The following C4BPA variants were observed in gnomAD, a reference collection of about 807,000 sequenced individuals.
C4BPA encodes C4b-binding protein alpha chain.
A neutral mutation model predicts 63.7 loss-of-function variants in C4BPA; 31 were observed. The ratio of observed to expected loss-of-function variants is 0.49; its 90% confidence interval spans 0.37 to 0.66. The LOEUF is 0.66. C4BPA is among the 30% of genes least tolerant of loss of function. The pLI, the probability that C4BPA is intolerant of heterozygous loss-of-function variation, is 0.00. For synonymous variants in C4BPA, 259 were observed against 254.7 expected (o/e 1.02, Z -0.16); for missense variants, 572 against 723.3 (o/e 0.79, Z 2.40).
chr1:207,144,486 C>T (rs911874118), intron 11 of C4BPA, 58 bp from the exon 12 acceptor site: 2 of 1,457,064 alleles, frequency 1.4e-6, no homozygotes, highest in African/African-American at 2.9e-5. Context: ...CAGGATCCAC[C>T]CTCCTTTATG....
At chr1:207,118,313 C>G (rs1242925604) in intron 4 of C4BPA, among the ~76,000 whole-genome samples, 1 of 151,882 alleles carries the variant, frequency 6.6e-6, no homozygotes, top group Admixed American at 6.6e-5. Flanking sequence ...ATTTATTATG[C>G]ATTAGTTCAT....
In C4BPA at chr1:207,126,744, T is replaced by C; in HGVS notation, c.738T>C (p.His246=). ...CCTGTCGCAAGCCAGATGTTTCACA[T>C]GGGGAAATGGTCTCTGGATTTGGAC... The part of the protein sequence containing the change: ...KITCRKPDVS[H]GEMVSGFGPI... The change falls in exon 7 of 12, where the codon CAT becomes CAC. Residue 246 remains histidine (H), a synonymous_variant. Coordinates refer to ENST00000367070, the MANE Select transcript of C4BPA (RefSeq NM_000715.4). 2 of 1,609,646 alleles carry C rather than the reference T, an allele frequency of 1.2e-6. No individual in the cohort carries two copies. Among genetic ancestry groups the C allele is most frequent in the Non-Finnish European group, 1.7e-6 (2 of 1,177,680 alleles).
At chr1:207,123,760 G>C (rs1370437181) in intron 4 of C4BPA, among the ~76,000 whole-genome samples, 162 bp from the exon 5 acceptor site, 1 of 152,224 alleles carries the variant, frequency 6.6e-6, no homozygotes, top group African/African-American at 2.4e-5. Flanking sequence ...TCTCATTGCA[G>C]TAATGAAATT....
At chr1:207,118,005 T>C (rs1684838728) in intron 4 of C4BPA, among the ~76,000 whole-genome samples, 1 of 152,206 alleles carries the variant, frequency 6.6e-6, no homozygotes, top group African/African-American at 2.4e-5. Context: ...TTTCCTCACA[T>C]AGATTTTGCA....
chr1:207,142,566 C>T (rs1025362447), intron 10 of C4BPA, among the ~76,000 whole-genome samples: 6 of 152,120 alleles, frequency 3.9e-5, no homozygotes, highest in African/African-American at 1.4e-4. Context: ...TTTTCCACAA[C>T]CTCTCCAGCA....
chr1:207,138,705 C>G (rs1476867693), intron 9 of C4BPA, among the ~76,000 whole-genome samples: 2 of 152,168 alleles, frequency 1.3e-5, no homozygotes, highest in Admixed American at 6.5e-5. Context: ...ATTTGTCCCC[C>G]CTAGCCTATG....
chr1:207,121,404 C>T (rs954116778), intron 4 of C4BPA, among the ~76,000 whole-genome samples: 1 of 151,858 alleles, frequency 6.6e-6, no homozygotes, highest in Non-Finnish European at 1.5e-5. Context: ...AATCTTGGTT[C>T]TGATGTCCAA....
chr1:207,129,897 T>A (rs761605540), intron 7 of C4BPA, among the ~76,000 whole-genome samples: 2 of 152,196 alleles, frequency 1.3e-5, no homozygotes, highest in African/African-American at 2.4e-5. Flanking sequence ...TCTTTATTTC[T>A]TCCTGTAGAT....
chr1:207,112,359 T>TG (rs1335452022), intron 1 of C4BPA, among the ~76,000 whole-genome samples: 124 of 151,514 alleles, frequency 8.2e-4, no homozygotes, highest in African/African-American at 2.8e-3. Context: ...TGTTTTTTTT[T>TG]TTTTTTTTTA....
chr1:207,135,758 C>G (rs1366817096), intron 9 of C4BPA, among the ~76,000 whole-genome samples: 4 of 152,164 alleles, frequency 2.6e-5, no homozygotes, highest in Admixed American at 6.5e-5. Context: ...GCATTGCCTC[C>G]CAGCTGGCAC....
chr1:207,116,228 A>G (rs1684783072), intron 4 of C4BPA, among the ~76,000 whole-genome samples: 1 of 152,190 alleles, frequency 6.6e-6, no homozygotes, highest in Admixed American at 6.5e-5. Flanking sequence ...TTCCCAATGT[A>G]AGAGGTGAAA....
At chr1:207,143,493 A>G (rs942991971) in intron 10 of C4BPA, among the ~76,000 whole-genome samples, 10 of 151,864 alleles carry the variant, frequency 6.6e-5, no homozygotes, top group South Asian at 4.1e-4. Context: ...ATAAAAAAAG[A>G]AATATGTTGT....
At chr1:207,116,550 G>A (rs56141354) in intron 4 of C4BPA, among the ~76,000 whole-genome samples, 88,201 of 147,908 alleles carry the variant, frequency 0.6, 27,240 homozygotes, top group East Asian at 0.73. Flanking sequence ...GTGTGTGTGT[G>A]TGTGTGTGTA....
intron 4 of C4BPA, among the ~76,000 whole-genome samples, chr1:207,115,978 C>T (rs1488429367): frequency 6.6e-6 from 1 of 152,192 alleles, no homozygotes; most frequent in East Asian, 1.9e-4. Flanking sequence ...CTGAACAATG[C>T]TCTGAAGTAT....
intron 4 of C4BPA, among the ~76,000 whole-genome samples, chr1:207,116,212 G>A (rs754959220): frequency 2.6e-4 from 39 of 152,070 alleles, no homozygotes; most frequent in South Asian, 4.1e-4. Context: ...TCAAATTTTT[G>A]AATTTTTCCC....
intron 4 of C4BPA, among the ~76,000 whole-genome samples, chr1:207,116,368 T>TC (rs990750517): frequency 2.6e-5 from 4 of 151,578 alleles, no homozygotes; most frequent in Non-Finnish European, 5.9e-5. Context: ...TGGTTGTTGT[T>TC]TTTTTTCCTT....
Position 207,123,993 on chromosome 1 carries a change from TC to T in C4BPA, c.503del (p.Pro168HisfsTer57). 1 of 1,609,212 alleles carries T rather than the reference TC, an allele frequency of 6.2e-7. No individual in the cohort carries two copies. Among genetic ancestry groups the T allele is most frequent in the Non-Finnish European group, 8.5e-7 (1 of 1,176,434 alleles). Reference sequence around the variant, plus strand: ...AGAGGAGTTGGCTGGAGTCATCCTCTCCCACAATGTGAAAGTAAGTAAAGAC... The same window carrying T: ...AGAGGAGTTGGCTGGAGTCATCCTCTCCACAATGTGAAAGTAAGTAAAGAC... ...QDRGVGWSHP[L>X]PQCEIVKCKP... On this transcript the variant is annotated frameshift_variant, in exon 5 of 12. Transcript: ENST00000367070. LOFTEE classifies it high-confidence loss of function.
intron 1 of C4BPA, among the ~76,000 whole-genome samples, chr1:207,111,348 C>T (rs551042181): frequency 6.6e-6 from 1 of 152,332 alleles, no homozygotes; most frequent in African/African-American, 2.4e-5. Flanking sequence ...CAGTAAGTGA[C>T]TACAACTGGT....
chr1:207,108,969 C>G (rs1433778165), intron 1 of C4BPA, among the ~76,000 whole-genome samples: 1 of 152,142 alleles, frequency 6.6e-6, no homozygotes, highest in Non-Finnish European at 1.5e-5. Flanking sequence ...GATCTGCCCG[C>G]CTCAGCCTCC....
Sources: gnomAD v4.1 joint callset for allele counts (sites outside exome capture counted in the v4.1 genomes callset) on GRCh38, gnomAD v4.1.1 for gene constraint, MANE v1.5 for transcripts, NCBI Gene and HGNC (gene_info 2026-07-23, HGNC 2026-07-21) for gene names.